SNX29: variants seen among roughly 807,000 people sequenced by gnomAD.
SNX29 encodes the protein sorting nexin 29.
SNX29 carries 78 observed loss-of-function variants against 102.1 expected under a neutral mutation model. The ratio of observed to expected loss-of-function variants is 0.76; its 90% CI spans 0.64 to 0.92. The LOEUF is 0.92. Among genes scored for constraint, SNX29 ranks in the 40% least tolerant of loss-of-function variants. SNX29 has a pLI of 0.00. For missense variants in SNX29, 1,280 were observed against 1,061.7 expected (o/e 1.21, Z -2.86); for synonymous variants, 580 against 414.5 (o/e 1.40, Z -4.85).
chr16:12,041,098 C>T (rs954559607), intron 4 of SNX29, among the ~76,000 whole-genome samples: 9 of 152,076 alleles, frequency 5.9e-5, no homozygotes, highest in Non-Finnish European at 7.4e-5. Context: ...TGAGCTACCG[C>T]GCCATCCTGT....
chr16:12,551,683 G>A (rs1597949575), intron 20 of SNX29, among the ~76,000 whole-genome samples: 1 of 152,192 alleles, frequency 6.6e-6, no homozygotes, highest in African/African-American at 2.4e-5. Context: ...TAGGATAAAA[G>A]TACCACCCTC....
At chr16:12,279,608 C>A (rs1227364269) in intron 15 of SNX29, among the ~76,000 whole-genome samples, 1 of 152,158 alleles carries the variant, frequency 6.6e-6, no homozygotes, top group East Asian at 1.9e-4. Context: ...CCCGGAAGTC[C>A]CAAGTGGAGA....
At chr16:11,988,485 C>T (rs1450142361) in intron 1 of SNX29, among the ~76,000 whole-genome samples, 2 of 152,098 alleles carry the variant, frequency 1.3e-5, no homozygotes, top group African/African-American at 4.8e-5. Context: ...GCAGCCTTGA[C>T]CTATAGGCTC....
At position 12,571,578 on chromosome 16, in the gene SNX29, G is replaced by C; in HGVS notation, c.*2949G>C. On this transcript the variant is annotated 3_prime_UTR_variant, in exon 21 of 21. Coordinates refer to ENST00000566228, the MANE Select transcript of SNX29 (RefSeq NM_032167.5). Reference sequence around the variant, plus strand: ...CCACACCGAATCCTTCTGTCTTCATGGCCTGCTGTGCTGAAACAGAACAGC... The same window carrying C: ...CCACACCGAATCCTTCTGTCTTCATCGCCTGCTGTGCTGAAACAGAACAGC... 2.9e-6 allele frequency: 3 copies of C among 1,040,588 alleles called. No individual in the cohort carries two copies. The highest frequency in any genetic ancestry group is 3.5e-6 in the Non-Finnish European group (3 of 857,544). 64.5% of individuals were successfully genotyped at this position (1,040,588 alleles called of 1,614,324 possible).
chr16:12,558,609 C>G (rs113236489), intron 20 of SNX29, among the ~76,000 whole-genome samples: 89 of 152,274 alleles, frequency 5.8e-4, no homozygotes, highest in African/African-American at 1.9e-3. Context: ...CACAGCTGCT[C>G]ACACAGTGCA....
At chr16:12,555,695 C>G (rs138406534) in intron 20 of SNX29, among the ~76,000 whole-genome samples, 16 of 152,232 alleles carry the variant, frequency 1.1e-4, no homozygotes, top group East Asian at 5.9e-4. Context: ...CCTTCCGATA[C>G]TCTACGAGAT....
Position 12,096,135 on chromosome 16 carries a change from G to A in SNX29, c.1402+17220G>A, listed in dbSNP as rs1317303042. Among the ~76,000 whole-genome samples the A allele has an allele frequency of 6.6e-6, 1 of 152,216 alleles. No individual in the cohort carries two copies. The highest frequency in any genetic ancestry group is 1.5e-5 in the Non-Finnish European group (1 of 68,050). Reference sequence around the variant, plus strand: ...AGTCTGAGCCCCCTGCCCCTTAACTGCCGAGAAGTGAACCTAGGTGACGTG... The same window carrying A: ...AGTCTGAGCCCCCTGCCCCTTAACTACCGAGAAGTGAACCTAGGTGACGTG... On this transcript the variant is annotated intron_variant, in intron 11 of 20. Transcript: ENST00000566228. This position sits in a 1 kb window ranked among gnomAD's most constrained non-coding sequence, Gnocchi z 4.2.
At position 12,472,640 on chromosome 16, in the gene SNX29, C is replaced by T. The variant is rs76336439; in HGVS notation, c.2038-5079C>T. On this transcript the variant is annotated intron_variant, in intron 18 of 20. Transcript: ENST00000566228. ...ATTAGAACAGGGCACAGTCAAGTCT[C>T]ATAGGAACACTCTGGTAGACGCTCT... 7.9e-5 allele frequency among the ~76,000 whole-genome samples: 12 copies of T among 151,880 alleles called. No individual in the cohort carries two copies. In the East Asian group the frequency reaches 2.3e-3, roughly 30 times the overall value.
chr16:12,148,728 G>A (rs536361795), intron 13 of SNX29, among the ~76,000 whole-genome samples: 3 of 152,028 alleles, frequency 2.0e-5, no homozygotes, highest in South Asian at 2.1e-4. Flanking sequence ...GTGGCATCTC[G>A]CTCTTGTTGC....
At chr16:12,545,348 G>T (rs3830063) in intron 20 of SNX29, 40,453 of 151,952 alleles carry the variant, frequency 0.27, 5,973 homozygotes, top group East Asian at 0.52. Flanking sequence ...ATAGTTCCAA[G>T]TACATACAGA....
chr16:12,278,812 A>G (rs2079339101), intron 15 of SNX29, among the ~76,000 whole-genome samples: 1 of 152,218 alleles, frequency 6.6e-6, no homozygotes, highest in Non-Finnish European at 1.5e-5. Flanking sequence ...CACATAAAAC[A>G]TAGGGTTTAT....
chr16:12,046,708 CTCCTGGGTTCAAGTCATTT>C (rs2050104298), intron 6 of SNX29, among the ~76,000 whole-genome samples: 1 of 152,230 alleles, frequency 6.6e-6, no homozygotes, highest in Admixed American at 6.5e-5. Flanking sequence ...CAACCTCCGC[CTCCTGGGTTCAAGTCATTT>C]TCCTGTCTCA....
At chr16:12,234,875 T>C (rs1405206075) in intron 14 of SNX29, among the ~76,000 whole-genome samples, 2 of 152,320 alleles carry the variant, frequency 1.3e-5, no homozygotes, top group East Asian at 1.9e-4. Flanking sequence ...GGATGATGAC[T>C]TCCTGTTTGG....
At chr16:12,452,199 C>T (rs2086330872) in intron 18 of SNX29, among the ~76,000 whole-genome samples, 1 of 152,200 alleles carries the variant, frequency 6.6e-6, no homozygotes, top group Admixed American at 6.5e-5. Context: ...AGATAATGCC[C>T]TTCAGTGATT....
chr16:12,360,928 C>T (rs186603303), intron 16 of SNX29, among the ~76,000 whole-genome samples: 61 of 152,286 alleles, frequency 4.0e-4, no homozygotes, highest in Admixed American at 7.8e-4. Flanking sequence ...ATTCAGACTC[C>T]GGTTTAATTA....
intron 15 of SNX29, among the ~76,000 whole-genome samples, chr16:12,316,873 G>A (rs2080762284): frequency 6.6e-6 from 1 of 152,226 alleles, no homozygotes; most frequent in Admixed American, 6.5e-5. Flanking sequence ...AGGCCTTTGG[G>A]AAGGTATGGA....
chr16:12,429,452 A>G (rs746289777), intron 18 of SNX29, among the ~76,000 whole-genome samples: 2 of 152,200 alleles, frequency 1.3e-5, no homozygotes, highest in Non-Finnish European at 1.5e-5. Context: ...ACAGTGTCTC[A>G]TTCTGTCACC....
chr16:12,265,579 G>T (rs1270787834), intron 14 of SNX29, among the ~76,000 whole-genome samples: 1 of 151,814 alleles, frequency 6.6e-6, no homozygotes, highest in African/African-American at 2.4e-5. Flanking sequence ...TTCTCACGTC[G>T]GCCAGGCACA....
chr16:12,377,626 C>G (rs944303239), intron 16 of SNX29, among the ~76,000 whole-genome samples: 1 of 152,002 alleles, frequency 6.6e-6, no homozygotes, highest in Non-Finnish European at 1.5e-5. Context: ...ATGTGTGCGC[C>G]CGGTACGTAG....
Sources: gnomAD v4.1 joint callset for allele counts (sites outside exome capture counted in the v4.1 genomes callset) on GRCh38, gnomAD v4.1.1 for gene constraint, Gnocchi (gnomAD v3.1) non-coding constraint, MANE v1.5 for transcripts, NCBI Gene and HGNC (gene_info 2026-07-23, HGNC 2026-07-21) for gene names.